The following ZNF385D variants were observed in gnomAD, a reference collection of about 807,000 sequenced individuals.
ZNF385D encodes the protein zinc finger protein 659.
Under a neutral mutation model 35.8 loss-of-function variants are expected in ZNF385D, and 15 were observed. The ratio of observed to expected loss-of-function variants is 0.42; its 90% CI spans 0.28 to 0.64. The LOEUF is 0.64. Among genes scored for constraint, ZNF385D ranks in the 30% least tolerant of loss-of-function variants. The pLI, the probability that ZNF385D is intolerant of heterozygous loss-of-function variation, is 0.23. For missense variants in ZNF385D, 474 were observed against 494.6 expected (o/e 0.96, Z 0.39); for synonymous variants, 212 against 186.8 (o/e 1.13, Z -1.10).
chr3:21,569,450 G>T (rs1483682000), intron 2 of ZNF385D, among the ~76,000 whole-genome samples: 2 of 137,450 alleles, frequency 1.5e-5, no homozygotes, highest in African/African-American at 2.8e-5. Context: ...TTGAGCCTAT[G>T]TGTGTCTCTG....
chr3:21,934,436 G>A (rs1701164672), intron 3 of ZNF385D, among the ~76,000 whole-genome samples: 2 of 152,090 alleles, frequency 1.3e-5, no homozygotes, highest in Admixed American at 1.3e-4. Flanking sequence ...TTTATAATTA[G>A]TAGCAACCAC....
At position 22,110,554 on chromosome 3, in the gene ZNF385D, C is replaced by T. The variant is rs757788009; in HGVS notation, c.325+58263G>A. ...ATCACAAGGACAAAAAACCAAACAC[C>T]GCATGTTCTCACTCATAGATGGGAA... is the stretch of plus-strand genomic sequence containing the variant. On this transcript the variant is annotated intron_variant, in intron 3 of 5. Transcript: ENST00000494108. 7.2e-5 allele frequency among the ~76,000 whole-genome samples: 11 copies of T among 151,940 alleles called. 1 individual carries two copies. The highest frequency in any genetic ancestry group is 2.4e-4 in the African/African-American group (10 of 41,382).
At chr3:21,648,564 T>G (rs551275521) in intron 2 of ZNF385D, among the ~76,000 whole-genome samples, 1 of 152,308 alleles carries the variant, frequency 6.6e-6, no homozygotes, top group East Asian at 1.9e-4. Flanking sequence ...TTCTCTGTAG[T>G]TTTGTTTTTA....
intron 2 of ZNF385D, among the ~76,000 whole-genome samples, chr3:22,210,278 T>A (rs958790445): frequency 9.2e-5 from 14 of 151,880 alleles, no homozygotes; most frequent in African/African-American, 3.1e-4. Flanking sequence ...ATAACTAATG[T>A]CTCAACAGGG....
intron 3 of ZNF385D, among the ~76,000 whole-genome samples, chr3:21,988,921 GA>G (rs1559824511): frequency 6.6e-6 from 1 of 152,162 alleles, no homozygotes; most frequent in African/African-American, 2.4e-5. Context: ...GGGTGGGAGT[GA>G]CCCGATTTTC....
chr3:21,645,071 T>C (rs59311307), intron 2 of ZNF385D, among the ~76,000 whole-genome samples: 2,678 of 152,282 alleles, frequency 0.018, 74 homozygotes, highest in African/African-American at 0.061. Flanking sequence ...CAAATGACCT[T>C]GAAGGCTTCT....
chr3:22,282,362 C>T (rs1343879579), intron 2 of ZNF385D, among the ~76,000 whole-genome samples: 3 of 152,018 alleles, frequency 2.0e-5, no homozygotes, highest in Non-Finnish European at 4.4e-5. Flanking sequence ...TTGATGTAAA[C>T]ATTTAACACT....
At chr3:22,157,434 C>T (rs911903482) in intron 3 of ZNF385D, among the ~76,000 whole-genome samples, 2 of 151,886 alleles carry the variant, frequency 1.3e-5, no homozygotes, top group African/African-American at 2.4e-5. Context: ...GTTGTTTCCC[C>T]TTTTCTTCTT....
intron 3 of ZNF385D, among the ~76,000 whole-genome samples, chr3:22,120,637 C>G (rs181484561): frequency 6.6e-6 from 1 of 152,240 alleles, no homozygotes; most frequent in East Asian, 1.9e-4. Flanking sequence ...CCACACAAAT[C>G]ATTTAAAAGA....
At chr3:22,322,965 A>G (rs1694510431) in intron 2 of ZNF385D, among the ~76,000 whole-genome samples, 1 of 152,022 alleles carries the variant, frequency 6.6e-6, no homozygotes, top group African/African-American at 2.4e-5. Context: ...ATGGATTTTT[A>G]TTGTTCTGTT....
At chr3:22,321,880 C>G (rs899996391) in intron 2 of ZNF385D, among the ~76,000 whole-genome samples, 2 of 152,042 alleles carry the variant, frequency 1.3e-5, no homozygotes, top group Non-Finnish European at 2.9e-5. Flanking sequence ...GCTACACTCC[C>G]TTTATTGAGT....
At position 21,840,706 on chromosome 3, in the gene ZNF385D, A is replaced by G. The variant is rs374828299; in HGVS notation, c.326-175678T>C. Among the ~76,000 whole-genome samples the G allele has an allele frequency of 1.7e-4, 26 of 152,034 alleles. 1 individual carries two copies. Among genetic ancestry groups the G allele is most frequent in the Admixed American group, 1.2e-3 (18 of 15,234 alleles). ...TTGGTGATGTTTCCATCCAGTTCTA[A>G]TACTCTACCATTATTTATTTATACA... On this transcript the variant is annotated intron_variant, in intron 3 of 5. Coordinates refer to the ZNF385D transcript ENST00000494108.
At chr3:21,907,427 G>C (rs555684800) in intron 3 of ZNF385D, among the ~76,000 whole-genome samples, 1 of 151,976 alleles carries the variant, frequency 6.6e-6, no homozygotes, top group Admixed American at 6.6e-5. Context: ...TATCAATATA[G>C]TTTTCTCACA....
chr3:21,989,629 A>T (rs899284097), intron 3 of ZNF385D, among the ~76,000 whole-genome samples: 8 of 152,162 alleles, frequency 5.3e-5, no homozygotes, highest in Non-Finnish European at 1.2e-4. Flanking sequence ...ATCCTTGGAA[A>T]CACTGGATGC....
intron 3 of ZNF385D, among the ~76,000 whole-genome samples, chr3:21,928,418 G>C (rs1039966073): frequency 6.6e-6 from 1 of 151,742 alleles, no homozygotes; most frequent in Non-Finnish European, 1.5e-5. Flanking sequence ...AGAAAGGGAT[G>C]CAGGGAGGGA....
At chr3:22,273,203 A>C (rs542806867) in intron 2 of ZNF385D, among the ~76,000 whole-genome samples, 2 of 152,060 alleles carry the variant, frequency 1.3e-5, no homozygotes, top group Non-Finnish European at 2.9e-5. Flanking sequence ...AATTAGATCC[A>C]AGTTTCCTAA....
intron 2 of ZNF385D, among the ~76,000 whole-genome samples, chr3:22,334,556 G>C (rs1407222166): frequency 6.6e-6 from 1 of 152,070 alleles, no homozygotes; most frequent in African/African-American, 2.4e-5. Context: ...TTCTGGTGAT[G>C]AATTCTCTCA....
Position 21,414,413 on chromosome 3 carries a change from T to C in ZNF385D, c.*6801A>G, listed in dbSNP as rs1338504136. On this transcript the variant is annotated 3_prime_UTR_variant, in exon 8 of 8. Coordinates refer to ENST00000281523, the MANE Select transcript of ZNF385D (RefSeq NM_024697.3). ...TTCAGGACAAAAGAGAAAGCTAATATAGCTACAAATGATGTAGCTTTGGCA... is the reference window on the plus strand; with the variant it reads ...TTCAGGACAAAAGAGAAAGCTAATACAGCTACAAATGATGTAGCTTTGGCA... 1 of 152,122 alleles carries C rather than the reference T, an allele frequency of 6.6e-6. No individual in the cohort carries two copies. The highest frequency in any genetic ancestry group is 1.5e-5 in the Non-Finnish European group (1 of 68,000). 9.4% of individuals were successfully genotyped at this position (152,122 alleles called of 1,614,324 possible). A position where few individuals can be genotyped will look rare whatever the true frequency, so the allele number is the denominator to read the frequency against.
chr3:22,371,842 T>C (rs1163501350), intron 2 of ZNF385D, among the ~76,000 whole-genome samples: 1 of 152,142 alleles, frequency 6.6e-6, no homozygotes, highest in Non-Finnish European at 1.5e-5. Flanking sequence ...GTGATTTCCT[T>C]GGAGGGACGC....
Sources: allele counts gnomAD v4.1 joint callset (sites outside exome capture counted in the v4.1 genomes callset), GRCh38; gene constraint gnomAD v4.1.1; transcripts MANE v1.5; gene names NCBI Gene and HGNC (gene_info 2026-07-23, HGNC 2026-07-21).